Variants in COMMD1 observed in about 807,000 individuals in gnomAD.
The protein encoded by COMMD1 is COMM domain-containing protein 1.
In COMMD1, 10 loss-of-function variants were observed where a neutral mutation model predicts 17.2. The observed-to-expected ratio is 0.58, with a 90% CI of 0.36 to 0.99. The LOEUF (loss-of-function observed/expected upper bound fraction) is 0.99, where lower values mean the gene tolerates loss of function less well. COMMD1 is among the 50% of genes least tolerant of loss of function. The pLI, the probability that COMMD1 is intolerant of heterozygous loss-of-function variation, is 0.01. For missense variants in COMMD1, 270 were observed against 231.8 expected, an observed-to-expected ratio of 1.17 and a Z score of -1.07; for synonymous variants, 97 against 91.6, an observed-to-expected ratio of 1.06 and a Z score of -0.34.
chr2:61,914,614 A>T (rs916222769), intron 1 of COMMD1, among the ~76,000 whole-genome samples: 1 of 152,122 alleles, frequency 6.6e-6, no homozygotes, highest in Admixed American at 6.5e-5. Flanking sequence ...GATAATAGGA[A>T]AAGATTATAA....
rs1443413379 is a variant in COMMD1 at position 62,010,977 on chromosome 2, C to G, written c.462+9995C>G. On this transcript the variant is annotated intron_variant, in intron 2 of 2. Transcript: ENST00000311832. ...GTCAGATTAATAGTTCTCTCCCTTA[C>G]TTCGTCTACTCTAGCTAGACCCACT... Among the ~76,000 whole-genome samples the G allele has an allele frequency of 4.6e-5, 7 of 152,204 alleles. No homozygotes were observed. The East Asian group carries it at 1.3e-3, about 29-fold the overall frequency.
chr2:61,983,257 T>C (rs1194397970), intron 1 of COMMD1, among the ~76,000 whole-genome samples: 1 of 151,536 alleles, frequency 6.6e-6, no homozygotes, highest in Non-Finnish European at 1.5e-5. Context: ...TGGCGCAATC[T>C]TGGCTTACTG....
intron 2 of COMMD1, among the ~76,000 whole-genome samples, chr2:62,123,662 T>G (rs896188881): frequency 2.0e-5 from 3 of 151,894 alleles, no homozygotes; most frequent in African/African-American, 7.3e-5. Flanking sequence ...CTTATAGGAA[T>G]TATAGAGTAA....
chr2:61,920,487 G>T (rs114133747), intron 1 of COMMD1, among the ~76,000 whole-genome samples: 1 of 151,598 alleles, frequency 6.6e-6, no homozygotes, highest in Non-Finnish European at 1.5e-5. Flanking sequence ...GGCCAAAAGT[G>T]TTCCTCTAAA....
chr2:61,897,361 CTT>C (rs1553365128), intron 1 of COMMD1, among the ~76,000 whole-genome samples: 1 of 152,142 alleles, frequency 6.6e-6, no homozygotes, highest in Non-Finnish European at 1.5e-5. Flanking sequence ...TCATGTAAAA[CTT>C]ATATTAAACA....
At chr2:61,953,966 T>C (rs138823587) in intron 1 of COMMD1, among the ~76,000 whole-genome samples, 7,105 of 152,218 alleles carry the variant, frequency 0.047, 558 homozygotes, top group African/African-American at 0.16. Flanking sequence ...ATGCCTGTAA[T>C]CCCAGCACTT....
At chr2:62,122,377 T>C (rs1202557568) in intron 2 of COMMD1, among the ~76,000 whole-genome samples, 1 of 152,102 alleles carries the variant, frequency 6.6e-6, no homozygotes, top group African/African-American at 2.4e-5. Context: ...CAGTGATAGG[T>C]TGAATCAAAG....
In COMMD1 at chr2:62,014,883, T is replaced by C. The variant is rs567508395; in HGVS notation, c.462+13901T>C. The stretch of plus-strand genomic sequence containing the variant: ...CCCGGCCATTTCAGCAGTTTTTAAG[T>C]GTACAGTCCAGTGGTATTAAGTACA... On this transcript the variant is annotated intron_variant, in intron 2 of 2. Transcript: ENST00000311832. 2.3e-3 allele frequency among the ~76,000 whole-genome samples: 357 copies of C among 152,066 alleles called. 2 individuals are homozygous for C. The highest frequency in any genetic ancestry group is 7.3e-3 in the African/African-American group (304 of 41,488).
At chr2:62,029,032 A>T (rs960942999) in intron 2 of COMMD1, among the ~76,000 whole-genome samples, 1 of 152,204 alleles carries the variant, frequency 6.6e-6, no homozygotes, top group Non-Finnish European at 1.5e-5. Flanking sequence ...CTAGAATTCT[A>T]TTTAGCTACC....
chr2:62,007,923 T>C (rs974852334), intron 2 of COMMD1, among the ~76,000 whole-genome samples: 2 of 152,226 alleles, frequency 1.3e-5, no homozygotes, highest in East Asian at 3.8e-4. Flanking sequence ...GGCTCACACC[T>C]GTAATACCAG....
At chr2:62,044,173 A>C (rs1212220353) in intron 2 of COMMD1, among the ~76,000 whole-genome samples, 1 of 152,126 alleles carries the variant, frequency 6.6e-6, no homozygotes, top group African/African-American at 2.4e-5. Flanking sequence ...AACCCTTGCA[A>C]ACTTTGGCAG....
intron 2 of COMMD1, among the ~76,000 whole-genome samples, chr2:62,085,125 A>C (rs1016658463): frequency 6.6e-6 from 1 of 152,210 alleles, no homozygotes; most frequent in Non-Finnish European, 1.5e-5. Flanking sequence ...TTAAAATCAA[A>C]GGTGGGGACG....
chr2:62,098,434 G>A (rs1672077797), intron 2 of COMMD1, among the ~76,000 whole-genome samples: 1 of 151,772 alleles, frequency 6.6e-6, no homozygotes, highest in African/African-American at 2.4e-5. Flanking sequence ...TAATGATTGT[G>A]ACAGCTAGGT....
At chr2:62,032,774 A>C (rs1310817448) in intron 2 of COMMD1, among the ~76,000 whole-genome samples, 1 of 148,712 alleles carries the variant, frequency 6.7e-6, no homozygotes, top group Non-Finnish European at 1.5e-5. Context: ...TCCTTCATTC[A>C]TTCATTATTT....
chr2:62,108,878 A>T (rs551412749), intron 2 of COMMD1, among the ~76,000 whole-genome samples: 1 of 152,352 alleles, frequency 6.6e-6, no homozygotes, highest in African/African-American at 2.4e-5. Flanking sequence ...TAGTCTTTTG[A>T]AATAGCAAAG....
chr2:61,941,658 C>T (rs972360342), intron 1 of COMMD1, among the ~76,000 whole-genome samples: 2 of 152,178 alleles, frequency 1.3e-5, no homozygotes, highest in African/African-American at 4.8e-5. Context: ...TGGTTGTTGT[C>T]TCAGGAATAA....
chr2:61,898,893 T>C (rs1291827335), intron 1 of COMMD1, among the ~76,000 whole-genome samples: 1 of 152,210 alleles, frequency 6.6e-6, no homozygotes, highest in African/African-American at 2.4e-5. Flanking sequence ...AAATAGGTTG[T>C]TTTGAGAGTT....
chr2:62,080,900 G>C (rs1671496822), intron 2 of COMMD1, among the ~76,000 whole-genome samples: 1 of 150,560 alleles, frequency 6.6e-6, no homozygotes, highest in South Asian at 2.1e-4. Context: ...ATATAACATT[G>C]TTTCTTTTTT....
upstream of COMMD1, among the ~76,000 whole-genome samples, chr2:61,902,056 C>T (rs1669667886): frequency 6.6e-6 from 1 of 151,938 alleles, no homozygotes; most frequent in African/African-American, 2.4e-5. Context: ...TGGTCTCGAT[C>T]TCTTGACCTC....
Sources: gnomAD v4.1 joint callset for allele counts (sites outside exome capture counted in the v4.1 genomes callset) on GRCh38, gnomAD v4.1.1 for gene constraint, MANE v1.5 for transcripts, NCBI Gene and HGNC (gene_info 2026-07-23, HGNC 2026-07-21) for gene names.